Variants in CPT1A observed in about 807,000 individuals in gnomAD.
The protein encoded by CPT1A is carnitine O-palmitoyltransferase 1, liver isoform.
In CPT1A, 64 loss-of-function variants were observed where a neutral mutation model predicts 100.8. The ratio of observed to expected loss-of-function variants is 0.63; its 90% CI spans 0.52 to 0.78. The LOEUF (loss-of-function observed/expected upper bound fraction) is 0.78, where lower values mean the gene tolerates loss of function less well. Ranked by LOEUF, CPT1A falls within the 30% of genes least tolerant of loss-of-function variation. The pLI, the probability that CPT1A is intolerant of heterozygous loss-of-function variation, is 0.00. For synonymous variants in CPT1A, 363 were observed against 396.0 expected (o/e 0.92, Z 0.99); for missense variants, 802 against 1,034.1 (o/e 0.78, Z 3.08).
intron 1 of CPT1A, among the ~76,000 whole-genome samples, chr11:68,835,871 T>A: frequency 6.6e-6 from 1 of 152,208 alleles, no homozygotes; most frequent in East Asian, 1.9e-4. Context: ...ACATAAAGTA[T>A]GCAGGATGCC....
At chr11:68,827,667 G>T (rs1856765391) in intron 1 of CPT1A, among the ~76,000 whole-genome samples, 1 of 151,976 alleles carries the variant, frequency 6.6e-6, no homozygotes, top group South Asian at 2.1e-4. Flanking sequence ...CAGGTGCCCA[G>T]CCCTGCAAAA....
chr11:68,792,215 T>C (rs1042839283), intron 9 of CPT1A, among the ~76,000 whole-genome samples: 4 of 152,070 alleles, frequency 2.6e-5, no homozygotes, highest in Non-Finnish European at 5.9e-5. Flanking sequence ...CAGACACCTA[T>C]AGTCCCAGCT....
At chr11:68,817,378 A>G (rs1221798859) in intron 1 of CPT1A, among the ~76,000 whole-genome samples, 1 of 152,138 alleles carries the variant, frequency 6.6e-6, no homozygotes. Flanking sequence ...CCGACTTCAG[A>G]CATCTGTCCA....
intron 1 of CPT1A, among the ~76,000 whole-genome samples, chr11:68,821,442 C>G (rs1012958822): frequency 1.3e-5 from 2 of 152,130 alleles, no homozygotes; most frequent in African/African-American, 4.8e-5. Context: ...CGTGAGCCAC[C>G]GCGCCCGGCC....
At chr11:68,769,601 G>A (rs553886971) in intron 14 of CPT1A, among the ~76,000 whole-genome samples, 2 of 152,032 alleles carry the variant, frequency 1.3e-5, no homozygotes, top group Non-Finnish European at 2.9e-5. Flanking sequence ...AAAAGTACAT[G>A]TCCACCTCCC....
chr11:68,793,475 G>C, intron 8 of CPT1A, 73 bp from the exon 9 acceptor site: 3 of 1,226,512 alleles, frequency 2.4e-6, no homozygotes, highest in Middle Eastern at 2.6e-4. Context: ...GCCGGGTGCG[G>C]TGGCTCACGC....
chr11:68,793,213 G>C (rs1359510924), intron 9 of CPT1A, 102 bp downstream of exon 9: 4 of 756,872 alleles, frequency 5.3e-6, no homozygotes, highest in Non-Finnish European at 8.7e-6. Flanking sequence ...ATCTCAGGAA[G>C]GGTCAGCAAA....
Position 68,838,582 on chromosome 11 carries a change from A to ACAAAACAAAAAAAAAC in CPT1A, c.-14+3192_-14+3193insGTTTTTTTTTGTTTTG, listed in dbSNP as rs1566394917. On this transcript the variant is annotated intron_variant, in intron 1 of 18. Transcript: ENST00000265641. ...GTATCTGCACCTTTTTAAAAAAAAA[A>ACAAAACAAAAAAAAAC]AAAAAAAAACAGAGACAGGGTCTGG... 5.4e-4 allele frequency among the ~76,000 whole-genome samples: 79 copies of ACAAAACAAAAAAAAAC among 145,382 alleles called. 3 individuals carry two copies. Among genetic ancestry groups the ACAAAACAAAAAAAAAC allele is most frequent in the African/African-American group, 1.9e-3 (76 of 39,012 alleles).
At chr11:68,807,234 C>G (rs947931092) in intron 4 of CPT1A, among the ~76,000 whole-genome samples, 4 of 152,070 alleles carry the variant, frequency 2.6e-5, no homozygotes, top group Non-Finnish European at 2.9e-5. Flanking sequence ...ACCGAGCAGA[C>G]CTCAATATAA....
chr11:68,762,531 GAAT>G, intron 15 of CPT1A, 93 bp downstream of exon 15: 1 of 1,493,790 alleles, frequency 6.7e-7, no homozygotes, highest in Non-Finnish European at 9.2e-7. Context: ...GAAGGTACAG[GAAT>G]GATGAGATCA....
chr11:68,785,991 C>T (rs1439080889), intron 9 of CPT1A: 10 of 702,120 alleles, frequency 1.4e-5, no homozygotes, highest in Non-Finnish European at 2.3e-5. Flanking sequence ...CTCTTAAGCA[C>T]TGCTCAGTGG....
upstream of CPT1A, chr11:68,842,024 G>C (rs1857172972): frequency 1.1e-6 from 1 of 945,920 alleles, no homozygotes; most frequent in African/African-American, 1.8e-5. Flanking sequence ...TAGGAGGGGA[G>C]GGAAACTGAG....
rs11826977 is a variant in CPT1A, at chr11:68,770,988, G to A, written c.1740+2277C>T. Among the ~76,000 whole-genome samples the A allele has an allele frequency of 2.8e-4, 42 of 152,290 alleles. 1 individual carries two copies. In the Middle Eastern group the frequency reaches 0.01, roughly 37 times the overall value. On this transcript the variant is annotated intron_variant, in intron 14 of 18. Coordinates refer to ENST00000265641, the MANE Select transcript of CPT1A (RefSeq NM_001876.4). ...GCAGAGATGAAGAGATGCCTTCCTCGGGGCCGTCCTGAAGTTTCGCTCGCT... is the reference window on the plus strand; with the variant it reads ...GCAGAGATGAAGAGATGCCTTCCTCAGGGCCGTCCTGAAGTTTCGCTCGCT...
Position 68,841,464 on chromosome 11 carries a change from C to T in CPT1A, c.-14+311G>A, listed in dbSNP as rs1271649566. Among the ~76,000 whole-genome samples the T allele has an allele frequency of 1.3e-5, 2 of 151,690 alleles. No homozygotes were observed. Among genetic ancestry groups the T allele is most frequent in the Non-Finnish European group, 2.9e-5 (2 of 67,868 alleles). ...CCCGCTGGCCCCGGGCCGGAGGCGT[C>T]CAGCCAAGTCCGGAGGGCCGAGCAT... On this transcript the variant is annotated intron_variant, in intron 1 of 18. Transcript: ENST00000265641. This position sits in a 1 kb window ranked among gnomAD's most constrained non-coding sequence, Gnocchi z 6.3.
chr11:68,820,966 G>A (rs1178447286), intron 1 of CPT1A, among the ~76,000 whole-genome samples: 1 of 152,048 alleles, frequency 6.6e-6, no homozygotes, highest in East Asian at 1.9e-4. Context: ...AAATAGTGTA[G>A]TATTTGCAAA....
Position 68,807,451 on chromosome 11 carries a change from A to C in CPT1A, c.453+16T>G, listed in dbSNP as rs755664625. 6.2e-7 allele frequency: 1 copy of C among 1,612,494 alleles called. No homozygotes were observed. The highest frequency in any genetic ancestry group is 1.1e-5 in the South Asian group (1 of 90,740). On this transcript the variant is annotated intron_variant, in intron 4 of 18. Coordinates refer to ENST00000265641, the MANE Select transcript of CPT1A (RefSeq NM_001876.4). ...AACTGTCCACCCCCTCCACAGCCAG[A>C]GGGACACGCAATTACCATCCAGATC...
At chr11:68,839,443 C>A in intron 1 of CPT1A, 1 of 931,528 alleles carries the variant, frequency 1.1e-6, no homozygotes, top group Non-Finnish European at 1.3e-6. Context: ...CTGGCGCGTC[C>A]CAGGCGCTCG....
chr11:68,797,516 T>G (rs1404582664), intron 6 of CPT1A, among the ~76,000 whole-genome samples: 2 of 151,856 alleles, frequency 1.3e-5, no homozygotes, highest in African/African-American at 2.4e-5. Flanking sequence ...CCAAAAAATT[T>G]TAAGAAATTA....
chr11:68,764,359 G>T (rs1288192094), intron 14 of CPT1A, among the ~76,000 whole-genome samples: 1 of 152,180 alleles, frequency 6.6e-6, no homozygotes, highest in African/African-American at 2.4e-5. Context: ...GGCCCTGGTG[G>T]CCCCAGGGTG....
Sources: gnomAD v4.1 joint callset for allele counts (sites outside exome capture counted in the v4.1 genomes callset) on GRCh38, gnomAD v4.1.1 for gene constraint, Gnocchi (gnomAD v3.1) non-coding constraint, MANE v1.5 for transcripts, NCBI Gene and HGNC (gene_info 2026-07-23, HGNC 2026-07-21) for gene names.